ZNF804A: variants seen among roughly 807,000 people sequenced by gnomAD.
ZNF804A encodes zinc finger protein 804A.
A neutral mutation model predicts 16.5 loss-of-function variants in ZNF804A; 2 were observed. The observed-to-expected ratio is 0.12, with a 90% CI of 0.05 to 0.38. The LOEUF is 0.38. ZNF804A is among the 10% of genes least tolerant of loss of function. The pLI is 0.99. For synonymous variants in ZNF804A, 534 were observed against 489.6 expected (o/e 1.09, Z -1.20); for missense variants, 1,473 against 1,390.7 (o/e 1.06, Z -0.94).
intron 1 of ZNF804A, among the ~76,000 whole-genome samples, chr2:184,776,707 A>G (rs1694290094): frequency 6.6e-6 from 1 of 151,450 alleles, no homozygotes; most frequent in African/African-American, 2.4e-5. Context: ...GTAAAGTTTC[A>G]TGCTAACCTG....
intron 2 of ZNF804A, among the ~76,000 whole-genome samples, chr2:184,930,880 C>T (rs1685687142): frequency 6.6e-6 from 1 of 152,140 alleles, no homozygotes; most frequent in Admixed American, 6.5e-5. Flanking sequence ...AGTTCATTCT[C>T]ATGCTGCTAA....
intron 1 of ZNF804A, among the ~76,000 whole-genome samples, chr2:184,851,521 C>T (rs1036078088): frequency 1.5e-4 from 23 of 151,914 alleles, no homozygotes; most frequent in Middle Eastern, 3.2e-3. Context: ...ACTTTCTTCT[C>T]TTTAAAGAGT....
chr2:184,897,963 G>C (rs1685115573), intron 2 of ZNF804A, among the ~76,000 whole-genome samples: 1 of 152,056 alleles, frequency 6.6e-6, no homozygotes, highest in Non-Finnish European at 1.5e-5. Context: ...CAAGATCTGG[G>C]CTCTAGGTCT....
intron 1 of ZNF804A, among the ~76,000 whole-genome samples, chr2:184,707,079 T>A (rs765419223): frequency 3.9e-5 from 6 of 152,170 alleles, no homozygotes; most frequent in Non-Finnish European, 7.3e-5. Context: ...TGTCTACTGC[T>A]TTATAACTTG....
chr2:184,820,605 T>C (rs1039969985), intron 1 of ZNF804A, among the ~76,000 whole-genome samples: 2 of 152,044 alleles, frequency 1.3e-5, no homozygotes, highest in Admixed American at 6.6e-5. Flanking sequence ...CATGTTCAAA[T>C]AGGGAGAGAG....
At chr2:184,925,585 T>C (rs1685597211) in intron 2 of ZNF804A, among the ~76,000 whole-genome samples, 1 of 152,002 alleles carries the variant, frequency 6.6e-6, no homozygotes, top group South Asian at 2.1e-4. Context: ...ATTTTGTTAG[T>C]TGTTTTCTGG....
chr2:184,643,263 G>A (rs1351643106), intron 1 of ZNF804A, among the ~76,000 whole-genome samples: 1 of 151,862 alleles, frequency 6.6e-6, no homozygotes, highest in African/African-American at 2.4e-5. Flanking sequence ...TATAGTGAAA[G>A]GTTCTTATTT....
rs1181834424 is a variant in ZNF804A at position 184,753,416 on chromosome 2, T to A, written c.112-112953T>A. ...ACAAATACACATACCATGCTACTCTTAGGTCTATGCAATACCAATTCCCTC... is the reference window on the plus strand; with the variant it reads ...ACAAATACACATACCATGCTACTCTAAGGTCTATGCAATACCAATTCCCTC... On this transcript the variant is annotated intron_variant, in intron 1 of 3. Transcript: ENST00000302277. 2.6e-5 allele frequency among the ~76,000 whole-genome samples: 4 copies of A among 151,582 alleles called. No individual in the cohort carries two copies. The East Asian group carries it at 7.8e-4, about 29-fold the overall frequency.
chr2:184,602,647 TTTGGGATTTGTC>T (rs1452964668), intron 1 of ZNF804A, among the ~76,000 whole-genome samples: 2 of 152,030 alleles, frequency 1.3e-5, no homozygotes, highest in African/African-American at 4.8e-5. Context: ...TAATATGTAA[TTTGGGATTTGTC>T]TTGGGAAACT....
At chr2:184,623,281 A>G (rs1691446365) in intron 1 of ZNF804A, among the ~76,000 whole-genome samples, 1 of 152,148 alleles carries the variant, frequency 6.6e-6, no homozygotes, top group Admixed American at 6.6e-5. Flanking sequence ...ACTAAAAAAT[A>G]AAATCCTGAC....
At chr2:184,616,509 G>A (rs1574132975) in intron 1 of ZNF804A, among the ~76,000 whole-genome samples, 2 of 152,146 alleles carry the variant, frequency 1.3e-5, no homozygotes, top group East Asian at 3.9e-4. Flanking sequence ...TTATTTTTAC[G>A]ATTATTTCCA....
intron 1 of ZNF804A, among the ~76,000 whole-genome samples, chr2:184,839,512 C>T (rs1695403019): frequency 6.6e-6 from 1 of 152,048 alleles, no homozygotes; most frequent in East Asian, 1.9e-4. Flanking sequence ...ATAGGATACT[C>T]ATTGTTGATT....
At position 184,906,741 on chromosome 2, in the gene ZNF804A, C is replaced by T. The variant is rs115898862; in HGVS notation, c.256-26862C>T. Among the ~76,000 whole-genome samples, 1,254 of 152,176 alleles carry T rather than the reference C, an allele frequency of 8.2e-3. 12 individuals are homozygous for T. Among genetic ancestry groups the T allele is most frequent in the Middle Eastern group, 0.061 (18 of 294 alleles). ...TATTTTCTACTGTGAAGTAATTTTGCGATACAATTAAGATCTCAAATCAGC... is the reference window on the plus strand; with the variant it reads ...TATTTTCTACTGTGAAGTAATTTTGTGATACAATTAAGATCTCAAATCAGC... On this transcript the variant is annotated intron_variant, in intron 2 of 3. Transcript: ENST00000302277.
chr2:184,904,471 C>T (rs547931374), intron 2 of ZNF804A, among the ~76,000 whole-genome samples: 1 of 152,124 alleles, frequency 6.6e-6, no homozygotes, highest in Non-Finnish European at 1.5e-5. Flanking sequence ...TGTGGCATGG[C>T]ATTAGACCTT....
intron 1 of ZNF804A, among the ~76,000 whole-genome samples, chr2:184,623,776 T>C (rs1207942713): frequency 6.6e-6 from 1 of 152,090 alleles, no homozygotes; most frequent in Non-Finnish European, 1.5e-5. Flanking sequence ...TGCACGCACA[T>C]ACACAACTTC....
chr2:184,715,956 C>T (rs1693207165), intron 1 of ZNF804A, among the ~76,000 whole-genome samples: 2 of 152,116 alleles, frequency 1.3e-5, no homozygotes, highest in South Asian at 2.1e-4. Context: ...AGCAGATGCT[C>T]TAACATTGTT....
chr2:184,734,358 A>G (rs947482331), intron 1 of ZNF804A, among the ~76,000 whole-genome samples: 5 of 152,198 alleles, frequency 3.3e-5, no homozygotes, highest in African/African-American at 1.2e-4. Context: ...AAACTTTTGT[A>G]AATTGTGTTA....
At chr2:184,744,431 C>T (rs1274932392) in intron 1 of ZNF804A, among the ~76,000 whole-genome samples, 2 of 151,704 alleles carry the variant, frequency 1.3e-5, no homozygotes, top group African/African-American at 4.8e-5. Flanking sequence ...AGGGTGCAAC[C>T]CTCATGAACA....
chr2:184,839,991 C>A (rs1165955930), intron 1 of ZNF804A, among the ~76,000 whole-genome samples: 3 of 152,114 alleles, frequency 2.0e-5, no homozygotes, highest in Non-Finnish European at 4.4e-5. Flanking sequence ...TGCACAATTG[C>A]TAATTCATCC....
Sources: allele counts gnomAD v4.1 joint callset (sites outside exome capture counted in the v4.1 genomes callset), GRCh38; gene constraint gnomAD v4.1.1; transcripts MANE v1.5; gene names NCBI Gene and HGNC (gene_info 2026-07-23, HGNC 2026-07-21).